Variants in RMP64 observed in about 807,000 individuals in gnomAD.
RMP64 encodes ribonuclease MRP subunit p64.
chr3:113,002,655 C>CTG, the RMP64 span: 1 of 82,390 alleles, frequency 1.2e-5, no homozygotes, highest in Non-Finnish European at 2.8e-5. Flanking sequence ...CCAGGATTTA[C>CTG]AGTGTGTGTG....
chr3:113,016,235 T>G, the RMP64 span, among the ~76,000 whole-genome samples: 1 of 152,120 alleles, frequency 6.6e-6, no homozygotes, highest in Non-Finnish European at 1.5e-5. Context: ...AAAATCAAAG[T>G]TGTGTTTTCA....
At chr3:113,008,926 G>GA in the RMP64 span, 1 of 153,338 alleles carries the variant, frequency 6.5e-6, no homozygotes, top group Non-Finnish European at 1.5e-5. Context: ...AGGGTTGGGG[G>GA]ATCACTGAAA....
chr3:113,006,090 A>T, the RMP64 span: 5 of 890,158 alleles, frequency 5.6e-6, no homozygotes, highest in African/African-American at 1.7e-5. Flanking sequence ...TGAAAAGAAA[A>T]ATACACAACT....
chr3:113,006,015 CAG>C, the RMP64 span: 447 of 1,575,888 alleles, frequency 2.8e-4, no homozygotes, highest in African/African-American at 3.3e-3. Flanking sequence ...CTTTAAAAGA[CAG>C]AGAGAGGAAA....
chr3:113,019,398 C>T, the RMP64 span: 1 of 649,658 alleles, frequency 1.5e-6, no homozygotes, highest in Non-Finnish European at 2.7e-6. Flanking sequence ...GTGCTGGGAC[C>T]GCTCGACCCC....
the RMP64 span, among the ~76,000 whole-genome samples, chr3:113,016,815 C>A: frequency 1.3e-5 from 2 of 152,196 alleles, no homozygotes; most frequent in Non-Finnish European, 2.9e-5. Context: ...CAATGGATAG[C>A]CTTCTGAACT....
chr3:113,011,504 CA>C, the RMP64 span: 1 of 1,089,504 alleles, frequency 9.2e-7, no homozygotes, highest in Non-Finnish European at 1.3e-6. Flanking sequence ...AAATGGCTAT[CA>C]AGGTCCTCCA....
the RMP64 span, chr3:113,013,371 A>G: frequency 1.2e-6 from 2 of 1,613,712 alleles, no homozygotes; most frequent in Non-Finnish European, 1.7e-6. Context: ...ACTGGGGACA[A>G]CACATACTTT....
At chr3:113,013,757 T>C in the RMP64 span, among the ~76,000 whole-genome samples, 1 of 152,212 alleles carries the variant, frequency 6.6e-6, no homozygotes, top group Non-Finnish European at 1.5e-5. Flanking sequence ...GATTTCAATG[T>C]CACACCAGTC....
chr3:113,008,100 G>C, the RMP64 span: 3 of 1,419,756 alleles, frequency 2.1e-6, no homozygotes, highest in South Asian at 1.2e-5. Context: ...TTAAAGAAAA[G>C]TGACCTGAAT....
the RMP64 span, among the ~76,000 whole-genome samples, chr3:113,017,068 G>C: frequency 6.6e-6 from 1 of 152,070 alleles, no homozygotes; most frequent in Non-Finnish European, 1.5e-5. Flanking sequence ...AATAATTTTA[G>C]CATTCTGATT....
chr3:113,008,334 C>T, the RMP64 span: 44 of 1,613,878 alleles, frequency 2.7e-5, no homozygotes, highest in Non-Finnish European at 3.4e-5. Flanking sequence ...AATCTTTGCA[C>T]AAAACTTTTG....
chr3:113,005,843 A>G, the RMP64 span: 3 of 1,613,824 alleles, frequency 1.9e-6, no homozygotes, highest in Non-Finnish European at 2.5e-6. Flanking sequence ...AATTTCCCTT[A>G]AAAGAGTCGA....
the RMP64 span, chr3:113,010,602 T>C: frequency 5.5e-5 from 83 of 1,521,500 alleles, no homozygotes; most frequent in South Asian, 2.3e-4. Flanking sequence ...CTCTACAAAT[T>C]AGCAGAAATC....
At chr3:113,013,274 A>G in the RMP64 span, 1 of 1,613,046 alleles carries the variant, frequency 6.2e-7, no homozygotes. Context: ...AAGGATACAG[A>G]AAAGTTTTGC....
the RMP64 span, chr3:113,008,286 T>C: frequency 1.2e-6 from 2 of 1,614,198 alleles, no homozygotes; most frequent in Non-Finnish European, 1.7e-6. Flanking sequence ...GCCATCTGGA[T>C]TTCTTCAGAA....
chr3:113,018,653 A>G, the RMP64 span, among the ~76,000 whole-genome samples: 1 of 152,228 alleles, frequency 6.6e-6, no homozygotes, highest in Admixed American at 6.5e-5. Flanking sequence ...CAAAGAACCC[A>G]TGACTGTATT....
the RMP64 span, chr3:113,005,186 TG>T: frequency 3.5e-6 from 1 of 285,230 alleles, no homozygotes; most frequent in African/African-American, 2.2e-5. Context: ...CAAGACACAA[TG>T]GTTTTTGCAA....
the RMP64 span, chr3:113,003,313 G>C: frequency 6.6e-6 from 1 of 152,130 alleles, no homozygotes; most frequent in South Asian, 2.1e-4. Flanking sequence ...CTGTGCTCCA[G>C]CCTGGGCAAC....
Sources: gnomAD v4.1 joint callset for allele counts (sites outside exome capture counted in the v4.1 genomes callset) on GRCh38, gnomAD v4.1.1 for gene constraint, MANE v1.5 for transcripts, NCBI Gene and HGNC (gene_info 2026-07-23, HGNC 2026-07-21) for gene names.